The following DDX60L variants were observed in gnomAD, a reference collection of about 807,000 sequenced individuals.
The protein encoded by DDX60L is DExD/H-box 60 like, also known as probable ATP-dependent RNA helicase DDX60-like.
A neutral mutation model predicts 211.6 loss-of-function variants in DDX60L; 191 were observed. The observed-to-expected ratio is 0.90, with a 90% confidence interval of 0.80 to 1.02. The LOEUF is 1.02. Among genes scored for constraint, DDX60L ranks in the 50% least tolerant of loss-of-function variants. The pLI is 0.00. For missense variants in DDX60L, 2,007 were observed against 1,984.1 expected (o/e 1.01, Z -0.22); for synonymous variants, 706 against 694.1 (o/e 1.02, Z -0.27).
At chr4:168,364,227 T>A (rs767618599) in intron 36 of DDX60L, among the ~76,000 whole-genome samples, 9 of 152,154 alleles carry the variant, frequency 5.9e-5, no homozygotes, top group Admixed American at 3.3e-4. Context: ...AGATATCCCA[T>A]GCAAAGAGAA....
chr4:168,385,502 G>A (rs1227846908), intron 29 of DDX60L, among the ~76,000 whole-genome samples: 1 of 152,142 alleles, frequency 6.6e-6, no homozygotes, highest in Non-Finnish European at 1.5e-5. Context: ...TAAACTCAAA[G>A]AGGGGGTCAT....
At chr4:168,391,433 T>G (rs906338372) in intron 29 of DDX60L, 107 bp downstream of exon 29, 16 of 733,664 alleles carry the variant, frequency 2.2e-5, no homozygotes, top group Non-Finnish European at 3.5e-5. Flanking sequence ...ACATAGAAAG[T>G]AAAAGGAAGG....
At chr4:168,422,165 T>C (rs1316145531) in intron 16 of DDX60L, among the ~76,000 whole-genome samples, 1 of 152,174 alleles carries the variant, frequency 6.6e-6, no homozygotes, top group Admixed American at 6.5e-5. Flanking sequence ...TTCTGCAAAA[T>C]AGAAAGGGAG....
chr4:168,478,083 C>T (rs898767831), intron 1 of DDX60L, among the ~76,000 whole-genome samples: 4 of 135,308 alleles, frequency 3.0e-5, no homozygotes, highest in African/African-American at 1.1e-4. Flanking sequence ...GGAAGGGAAG[C>T]GAAGGGGAGG....
intron 8 of DDX60L, among the ~76,000 whole-genome samples, chr4:168,450,286 C>A (rs1755624265): frequency 6.6e-6 from 1 of 152,028 alleles, no homozygotes; most frequent in Non-Finnish European, 1.5e-5. Context: ...ATCTTGTGGT[C>A]CCCATCCAGG....
intron 22 of DDX60L, among the ~76,000 whole-genome samples, chr4:168,407,403 C>T (rs1747934080): frequency 6.6e-6 from 1 of 152,118 alleles, no homozygotes; most frequent in Non-Finnish European, 1.5e-5. Flanking sequence ...AAATCCTGTC[C>T]TCATAGCCTT....
At chr4:168,447,753 C>A (rs1275253615) in intron 9 of DDX60L, among the ~76,000 whole-genome samples, 1 of 151,470 alleles carries the variant, frequency 6.6e-6, no homozygotes, top group Non-Finnish European at 1.5e-5. Flanking sequence ...TGGAAATCAT[C>A]ATTCTCAGTA....
Position 168,421,827 on chromosome 4 carries a change from TA to T in DDX60L, c.2326del (p.Tyr776ThrfsTer8). 1 of 1,614,188 alleles carries T rather than the reference TA, an allele frequency of 6.2e-7. No individual in the cohort carries two copies. The highest frequency in any genetic ancestry group is 8.5e-7 in the Non-Finnish European group (1 of 1,180,026). On this transcript the variant is annotated frameshift_variant, in exon 17 of 38. Coordinates refer to ENST00000682922, the MANE Select transcript of DDX60L (RefSeq NM_001012967.3). LOFTEE classifies it high-confidence loss of function. ...PTSSGKTYASYYCMEKVLRES... is the reference protein window; with the variant it reads ...PTSSGKTYASXYCMEKVLRES... The stretch of plus-strand genomic sequence containing the variant: ...CCTCAGCACTTTCTCCATGCAGTAG[TA>T]GGAAGCATAGGTTTTGCCTGAGGAC...
chr4:168,464,346 TAGAAA>T (rs1477149772), intron 4 of DDX60L, among the ~76,000 whole-genome samples: 1 of 152,078 alleles, frequency 6.6e-6, no homozygotes, highest in Non-Finnish European at 1.5e-5. Context: ...GGAATTAAAT[TAGAAA>T]TCAATAACAC....
rs1470481093 is a variant in DDX60L, at chr4:168,400,896, T to C, written c.3421A>G (p.Thr1141Ala). The C allele has an allele frequency of 1.6e-5, 26 of 1,613,526 alleles. No homozygotes were observed. The East Asian group carries it at 5.8e-4, about 36-fold the overall frequency. The stretch of plus-strand genomic sequence containing the variant: ...GCAAAGACATAACTATGACATTCAG[T>C]GTGGGGATGGCTTTTTGTCTCTGTC... ...EKTETKSHPHTECHSYVFAID... is the reference protein window; with the variant it reads ...EKTETKSHPHAECHSYVFAID... The change falls in exon 26 of 38, where the codon ACT becomes GCT. Residue 1141 changes from threonine (T) to alanine (A), a missense_variant. Thr to Ala is a moderately conservative substitution (Grantham distance 58, BLOSUM62 0). Transcript: ENST00000682922.
At chr4:168,428,381 G>A (rs1751807059) in intron 13 of DDX60L, among the ~76,000 whole-genome samples, 1 of 152,170 alleles carries the variant, frequency 6.6e-6, no homozygotes, top group South Asian at 2.1e-4. Flanking sequence ...GTCACTGATT[G>A]TAGCCTTTGC....
At chr4:168,465,482 G>T (rs1757870897) in intron 4 of DDX60L, among the ~76,000 whole-genome samples, 1 of 152,000 alleles carries the variant, frequency 6.6e-6, no homozygotes, top group South Asian at 2.1e-4. Flanking sequence ...TTCCTGTGCG[G>T]AAACTTTTTA....
chr4:168,401,235 A>AG (rs1371280338), intron 25 of DDX60L, among the ~76,000 whole-genome samples: 6 of 152,222 alleles, frequency 3.9e-5, no homozygotes, highest in Admixed American at 1.3e-4. Context: ...TTCTCTCTGA[A>AG]GCCAGCTACC....
intron 4 of DDX60L, chr4:168,469,365 C>T (rs765573285): frequency 3.3e-5 from 5 of 152,148 alleles, no homozygotes; most frequent in Non-Finnish European, 7.3e-5. Flanking sequence ...CCCATTCACA[C>T]CACAAACACA....
chr4:168,379,332 T>A, intron 32 of DDX60L, 31 bp downstream of exon 32: 1 of 1,487,958 alleles, frequency 6.7e-7, no homozygotes, highest in Non-Finnish European at 8.9e-7. Context: ...TGTTGCCATT[T>A]TTCGACTACA....
intron 4 of DDX60L, among the ~76,000 whole-genome samples, chr4:168,466,943 T>C (rs927980030): frequency 3.3e-5 from 5 of 152,176 alleles, no homozygotes; most frequent in African/African-American, 1.2e-4. Flanking sequence ...GTTTTTTGTT[T>C]GTGTTCTAAC....
intron 9 of DDX60L, among the ~76,000 whole-genome samples, chr4:168,448,179 T>C (rs1755116545): frequency 6.6e-6 from 1 of 152,224 alleles, no homozygotes; most frequent in Admixed American, 6.5e-5. Context: ...ATAATGTTCG[T>C]TCAGGAAAAA....
At position 168,416,570 on chromosome 4, in the gene DDX60L, T is replaced by C. The variant is rs6847247; in HGVS notation, c.2726+112A>G. 3,471 of 593,380 alleles carry C rather than the reference T, an allele frequency of 5.8e-3. 73 individuals carry two copies. The highest frequency in any genetic ancestry group is 0.051 in the African/African-American group (2,669 of 51,954). 36.8% of individuals were successfully genotyped at this position (593,380 alleles called of 1,614,324 possible). ...CACTGACGTTTCAAAGATTGGGTAATAAATTTATTTGAAAGTTATCATAGA... is the reference window on the plus strand; with the variant it reads ...CACTGACGTTTCAAAGATTGGGTAACAAATTTATTTGAAAGTTATCATAGA... On this transcript the variant is annotated intron_variant, in intron 20 of 37. Transcript: ENST00000682922.
chr4:168,405,704 T>C (rs1282141717), intron 24 of DDX60L, among the ~76,000 whole-genome samples: 2 of 152,218 alleles, frequency 1.3e-5, no homozygotes, highest in Non-Finnish European at 2.9e-5. Flanking sequence ...TTTAGCTGTT[T>C]GTAGCTGTTA....
Sources: gnomAD v4.1 joint callset for allele counts (sites outside exome capture counted in the v4.1 genomes callset) on GRCh38, gnomAD v4.1.1 for gene constraint, MANE v1.5 for transcripts, NCBI Gene and HGNC (gene_info 2026-07-23, HGNC 2026-07-21) for gene names.